BEX2: variants seen among roughly 807,000 people sequenced by gnomAD.
The protein encoded by BEX2 is brain expressed X-linked 2.
A neutral mutation model predicts 4.1 loss-of-function variants in BEX2; 2 were observed. That is an observed-to-expected ratio of 0.49 (90% CI 0.20 to 1.53). The LOEUF (loss-of-function observed/expected upper bound fraction) is 1.53, where lower values mean the gene tolerates loss of function less well. Among genes scored for constraint, BEX2 ranks in the 40% most tolerant of loss-of-function variants. The probability of loss-of-function intolerance (pLI) is 0.23; values close to 1 mark genes in which losing one functional copy is unlikely to be tolerated. For synonymous variants in BEX2, 34 were observed against 35.9 expected (o/e 0.95, Z 0.19); for missense variants, 94 against 99.9 (o/e 0.94, Z 0.25).
At chrX:103,310,551 C>T in intron 1 of BEX2, 118 bp from the exon 2 acceptor site, 1 of 1,153,382 alleles carries the variant, frequency 8.7e-7, no homozygotes, top group Non-Finnish European at 1.1e-6. Context: ...GCTCTCGCCC[C>T]CCGCCTCAGC....
rs1364534677 is a variant in BEX2 at position 103,310,988 on chromosome X, C to CT, written c.-211dup. On this transcript the variant is annotated 5_prime_UTR_variant, in exon 1 of 3. Transcript: ENST00000372677. ...GTTCTGACGCCACAACGAGGTAAGA[C>CT]TCAGTGTTGGCCGATCACGTGTGGC... 5.8e-6 allele frequency: 1 copy of CT among 172,603 alleles called. No individual in the cohort carries two copies. The highest frequency in any genetic ancestry group is 3.1e-5 in the African/African-American group (1 of 32,222). 14.2% of individuals were successfully genotyped at this position (172,603 alleles called of 1,213,427 possible).
At position 103,309,826 on chromosome X, in the gene BEX2, C is replaced by T. The variant is rs1298562294; in HGVS notation, c.151G>A (p.Gly51Arg). 2 of 1,210,458 alleles carry T rather than the reference C, an allele frequency of 1.7e-6. No homozygotes were observed. The highest frequency in any genetic ancestry group is 3.5e-5 in the African/African-American group (2 of 57,241). Reference sequence around the variant, plus strand: ...CTAACGCGGAACCGCCTACGGTTTCCTCTAGGCACACAGTATTCACTAACA... The same window carrying T: ...CTAACGCGGAACCGCCTACGGTTTCTTCTAGGCACACAGTATTCACTAACA... ...LNVSEYCVPR[G>R]NRRRFRVRQP... Residue 51 changes from glycine (G) to arginine (R), a missense_variant, in exon 3 of 3, where the codon GGA becomes AGA. Transcript: ENST00000372677.
chrX:103,310,833 C>T (rs1268284480), intron 1 of BEX2, 27 bp downstream of exon 1: 1 of 358,479 alleles, frequency 2.8e-6, no homozygotes, highest in Non-Finnish European at 4.6e-6. Flanking sequence ...CCACACCAAC[C>T]CCAGGGACCC....
intron 1 of BEX2, 192 bp downstream of exon 1, chrX:103,310,668 T>C: frequency 9.0e-7 from 1 of 1,114,311 alleles, no homozygotes; most frequent in South Asian, 2.0e-5. Context: ...CGAAAGGTCG[T>C]AGCCTCAGGA....
At position 103,309,514 on chromosome X, in the gene BEX2, C is replaced by T; in HGVS notation, c.*76G>A. ...GAAATAGGTAACATCAAAACGTTTA[C>T]GACAAAGGTACACCACAAATGTGTA... On this transcript the variant is annotated 3_prime_UTR_variant, in exon 3 of 3. Coordinates refer to ENST00000372677, the MANE Select transcript of BEX2 (RefSeq NM_032621.4). The T allele has an allele frequency of 2.6e-6, 3 of 1,155,743 alleles. No homozygotes were observed. The highest frequency in any genetic ancestry group is 5.0e-5 in the Admixed American group (2 of 40,269).
intron 1 of BEX2, 69 bp from the exon 2 acceptor site, chrX:103,310,502 C>T: frequency 8.7e-7 from 1 of 1,148,008 alleles, no homozygotes. Flanking sequence ...CCGCCGCCAC[C>T]CGGCCCCTTC....
At position 103,309,883 on chromosome X, in the gene BEX2, T is replaced by C. The variant is rs7880436; in HGVS notation, c.94A>G (p.Asn32Asp). The change falls in exon 3 of 3, where the codon AAT becomes GAT. Residue 32 changes from asparagine (N) to aspartate (D), a missense_variant. Transcript: ENST00000372677. The stretch of plus-strand genomic sequence containing the variant: ...GGTAGGGCCAAGGGCTCCCCTTTAT[T>C]AGCAACTTGCTCCTTTTCATCTTTT... ...DEKDEKEQVA[N>D]KGEPLALPLN... 2,686 of 1,210,103 alleles carry C rather than the reference T, an allele frequency of 2.2e-3. 57 individuals carry two copies. The African/African-American group carries it at 0.042, about 19-fold the overall frequency.
Position 103,310,970 on chromosome X carries a change from C to A in BEX2, c.-192G>T. On this transcript the variant is annotated 5_prime_UTR_variant, in exon 1 of 3. Coordinates refer to ENST00000372677, the MANE Select transcript of BEX2 (RefSeq NM_032621.4). ...AGGGAGCGAGCGACGGCGGTTCTGA[C>A]GCCACAACGAGGTAAGACTCAGTGT... is the stretch of plus-strand genomic sequence containing the variant. The A allele has an allele frequency of 5.6e-6, 1 of 179,074 alleles. No homozygotes were observed. The highest frequency in any genetic ancestry group is 9.8e-6 in the Non-Finnish European group (1 of 101,622). The allele number at this position is 179,074 out of a possible 1,213,427, so 14.8% of individuals were successfully genotyped here. A position where few individuals can be genotyped will look rare whatever the true frequency, so the allele number is the denominator to read the frequency against.
chrX:103,309,871 G>C lies in BEX2; in HGVS notation c.106C>G (p.Pro36Ala), dbSNP rs1039066996. ...EKEQVANKGE[P>A]LALPLNVSEY... ...CTAACATTCAAAGGTAGGGCCAAGG[G>C]CTCCCCTTTATTAGCAACTTGCTCC... is the stretch of plus-strand genomic sequence containing the variant. Residue 36 changes from proline (P) to alanine (A), a missense_variant, in exon 3 of 3, where the codon CCC becomes GCC. Transcript: ENST00000372677. The C allele has an allele frequency of 6.6e-6, 8 of 1,211,692 alleles. No homozygotes were observed. Among genetic ancestry groups the C allele is most frequent in the African/African-American group, 1.7e-5 (1 of 57,756 alleles).
At chrX:103,310,002 G>T (rs1404146309) in intron 2 of BEX2, 21 bp from the exon 3 acceptor site, 2 of 1,183,294 alleles carry the variant, frequency 1.7e-6, no homozygotes, top group South Asian at 1.9e-5. Flanking sequence ...GAGAGAAAAT[G>T]GACTCAATTC....
At position 103,309,860 on chromosome X, in the gene BEX2, T is replaced by C. The variant is rs759804793; in HGVS notation, c.117A>G (p.Leu39=). ...QVANKGEPLA[L]PLNVSEYCVP... ...CACAGTATTCACTAACATTCAAAGG[T>C]AGGGCCAAGGGCTCCCCTTTATTAG... The change falls in exon 3 of 3, where the codon CTA becomes CTG. Residue 39 remains leucine (L), a synonymous_variant. Coordinates refer to ENST00000372677, the MANE Select transcript of BEX2 (RefSeq NM_032621.4). 4 of 1,210,246 alleles carry C rather than the reference T, an allele frequency of 3.3e-6. No individual in the cohort carries two copies. The African/African-American group carries it at 7.0e-5, about 21-fold the overall frequency.
In BEX2 at chrX:103,309,507, A is replaced by C; in HGVS notation, c.*83T>G. On this transcript the variant is annotated 3_prime_UTR_variant, in exon 3 of 3. Coordinates refer to ENST00000372677, the MANE Select transcript of BEX2 (RefSeq NM_032621.4). Reference sequence around the variant, plus strand: ...CCCACAAGAAATAGGTAACATCAAAACGTTTACGACAAAGGTACACCACAA... The same window carrying C: ...CCCACAAGAAATAGGTAACATCAAACCGTTTACGACAAAGGTACACCACAA... 8.7e-7 allele frequency: 1 copy of C among 1,142,988 alleles called. No individual in the cohort carries two copies. The highest frequency in any genetic ancestry group is 1.2e-6 in the Non-Finnish European group (1 of 857,628). The allele number at this position is 1,142,988 out of a possible 1,213,427, so 94.2% of individuals were successfully genotyped here. A position where few individuals can be genotyped will look rare whatever the true frequency, so the allele number is the denominator to read the frequency against.
Position 103,310,366 on chromosome X carries a change from A to G in BEX2, c.-14T>C, listed in dbSNP as rs1926157689. The G allele has an allele frequency of 8.7e-7, 1 of 1,155,984 alleles. No homozygotes were observed. The highest frequency in any genetic ancestry group is 1.1e-6 in the Non-Finnish European group (1 of 872,874). On this transcript the variant is annotated 5_prime_UTR_variant, in exon 2 of 3. Transcript: ENST00000372677. ...CCGTCCCTCGCACTGACCTGGGCCT[A>G]TCCTTGCAGTCTCCTCCTCCCGATT...
In BEX2 at chrX:103,310,777, G is replaced by A. The variant is rs1926181749; in HGVS notation, c.-82+83C>T. On this transcript the variant is annotated intron_variant, in intron 1 of 2. Transcript: ENST00000372677. The stretch of plus-strand genomic sequence containing the variant: ...TGCATCGTGGACCGGCTGCGTCTCC[G>A]CGCTGCTGCCCGGGGATGGGGCATC... The A allele has an allele frequency of 3.5e-5, 18 of 508,198 alleles. No individual in the cohort carries two copies. The South Asian group carries it at 5.9e-4, about 17-fold the overall frequency. The allele number at this position is 508,198 out of a possible 1,213,427, so 41.9% of individuals were successfully genotyped here. A position where few individuals can be genotyped will look rare whatever the true frequency, so the allele number is the denominator to read the frequency against.
At position 103,309,814 on chromosome X, in the gene BEX2, G is replaced by C. The variant is rs149711551; in HGVS notation, c.163C>G (p.Arg55Gly). The C allele has an allele frequency of 2.1e-5, 25 of 1,210,242 alleles. No individual in the cohort carries two copies. Among genetic ancestry groups the C allele is most frequent in the Non-Finnish European group, 2.8e-5 (25 of 895,317 alleles). ...AGGATGGGCTGCCTAACGCGGAACC[G>C]CCTACGGTTTCCTCTAGGCACACAG... ...EYCVPRGNRR[R>G]FRVRQPILQY... The change falls in exon 3 of 3, where the codon CGG (arginine) becomes GGG (glycine). Residue 55 changes from arginine (R) to glycine (G), a missense_variant. By Grantham distance (125) the Arg-to-Gly change is moderately radical. Coordinates refer to ENST00000372677, the MANE Select transcript of BEX2 (RefSeq NM_032621.4).
rs1237894761 is a variant in BEX2, at chrX:103,309,500, C to T, written c.*90G>A. The T allele has an allele frequency of 8.8e-7, 1 of 1,130,200 alleles. No individual in the cohort carries two copies. The highest frequency in any genetic ancestry group is 2.7e-5 in the Admixed American group (1 of 37,409). 93.1% of individuals were successfully genotyped at this position (1,130,200 alleles called of 1,213,427 possible). ...TAGGAGACCCACAAGAAATAGGTAA[C>T]ATCAAAACGTTTACGACAAAGGTAC... On this transcript the variant is annotated 3_prime_UTR_variant, in exon 3 of 3. Coordinates refer to ENST00000372677, the MANE Select transcript of BEX2 (RefSeq NM_032621.4).
Position 103,309,555 on chromosome X carries a change from G to C in BEX2, c.*35C>G. ...CAAATGTGTAAGTTTAGGAAGCAGG[G>C]GTCTCCCTATTAACTTCAGGGAAAC... On this transcript the variant is annotated 3_prime_UTR_variant, in exon 3 of 3. Coordinates refer to ENST00000372677, the MANE Select transcript of BEX2 (RefSeq NM_032621.4). The C allele has an allele frequency of 8.3e-7, 1 of 1,198,764 alleles. No individual in the cohort carries two copies.
In BEX2 at chrX:103,310,464, G is replaced by T. The variant is rs770760954; in HGVS notation, c.-81-31C>A. ...GACGGCCGGGGTGGGAAGAGTGGGGGCTGCTGCAGCGGAACGCTAGAGAGG... is the reference window on the plus strand; with the variant it reads ...GACGGCCGGGGTGGGAAGAGTGGGGTCTGCTGCAGCGGAACGCTAGAGAGG... On this transcript the variant is annotated intron_variant, in intron 1 of 2. Transcript: ENST00000372677. 2.3e-5 allele frequency: 26 copies of T among 1,154,238 alleles called. No homozygotes were observed. In the South Asian group the frequency reaches 4.4e-4, roughly 19 times the overall value.
In BEX2 at chrX:103,309,445, C is replaced by CA. The variant is rs1926112753; in HGVS notation, c.*144dup. 1.1e-6 allele frequency: 1 copy of CA among 950,957 alleles called. No individual in the cohort carries two copies. Among genetic ancestry groups the CA allele is most frequent in the East Asian group, 3.1e-5 (1 of 31,918 alleles). The allele number at this position is 950,957 out of a possible 1,213,427, so 78.4% of individuals were successfully genotyped here. A position where few individuals can be genotyped will look rare whatever the true frequency, so the allele number is the denominator to read the frequency against. On this transcript the variant is annotated 3_prime_UTR_variant, in exon 3 of 3. Transcript: ENST00000372677. ...GCTGACAGAAACTTACAAACTGGGTCAAAAACAACATTCATTTAGAAGCTG... is the reference window on the plus strand; with the variant it reads ...GCTGACAGAAACTTACAAACTGGGTCAAAAAACAACATTCATTTAGAAGCTG...
Sources: gnomAD v4.1 joint callset for allele counts on GRCh38, gnomAD v4.1.1 for gene constraint, MANE v1.5 for transcripts, NCBI Gene and HGNC (gene_info 2026-07-23, HGNC 2026-07-21) for gene names.